The following UBE2QL1 variants were observed in gnomAD, a reference collection of about 807,000 sequenced individuals.
UBE2QL1 encodes the protein ubiquitin-conjugating enzyme E2Q-like protein 1.
Under a neutral mutation model 12.6 loss-of-function variants are expected in UBE2QL1, and 5 were observed. The ratio of observed to expected loss-of-function variants is 0.40; its 90% confidence interval spans 0.21 to 0.83. The LOEUF (loss-of-function observed/expected upper bound fraction) is 0.83. UBE2QL1 is among the 40% of genes least tolerant of loss of function. UBE2QL1 has a pLI of 0.37. For missense variants in UBE2QL1, 99 were observed against 222.6 expected (o/e 0.44, Z 3.53); for synonymous variants, 96 against 94.5 (o/e 1.02, Z -0.10).
At chr5:6,463,587 G>C (rs1459197571) in intron 1 of UBE2QL1, among the ~76,000 whole-genome samples, 1 of 144,512 alleles carries the variant, frequency 6.9e-6, no homozygotes, top group Admixed American at 7.0e-5. Flanking sequence ...GGTAGGCTTT[G>C]TATTTGTGCT....
chr5:6,480,168 C>T (rs560498229), intron 1 of UBE2QL1, among the ~76,000 whole-genome samples: 2 of 152,346 alleles, frequency 1.3e-5, no homozygotes, highest in South Asian at 2.1e-4. Flanking sequence ...GAGAGCTGGC[C>T]TGGCCTTGGG....
In UBE2QL1 at chr5:6,449,074, A is replaced by C. The variant is rs1560924987; in HGVS notation, c.181A>C (p.Asn61His). The C allele has an allele frequency of 6.5e-7, 1 of 1,548,386 alleles. No homozygotes were observed. Reference protein sequence around the residue: ...FILLNLTFPDNFPFSPPFMRV... With the variant: ...FILLNLTFPDHFPFSPPFMRV... The stretch of plus-strand genomic sequence containing the variant: ...CCTGCTCAACCTCACCTTCCCCGAC[A>C]ACTTCCCCTTCTCGCCGCCCTTCAT... Residue 61 changes from asparagine (N) to histidine (H), a missense_variant, in exon 1 of 2, where the codon AAC (asparagine) becomes CAC (histidine). Asn to His is a moderately conservative substitution (Grantham distance 68). Coordinates refer to ENST00000399816, the MANE Select transcript of UBE2QL1 (RefSeq NM_001145161.3).
chr5:6,488,733 A>G (rs1392219086), intron 1 of UBE2QL1, among the ~76,000 whole-genome samples: 2 of 151,790 alleles, frequency 1.3e-5, no homozygotes, highest in Non-Finnish European at 1.5e-5. Flanking sequence ...CCAGGAGATC[A>G]AGGTTGCACT....
Position 6,481,104 on chromosome 5 carries a change from T to C in UBE2QL1, c.355-10114T>C, listed in dbSNP as rs1045841598. Among the ~76,000 whole-genome samples, 2 of 152,208 alleles carry C rather than the reference T, an allele frequency of 1.3e-5. No homozygotes were observed. Among genetic ancestry groups the C allele is most frequent in the African/African-American group, 4.8e-5 (2 of 41,450 alleles). On this transcript the variant is annotated intron_variant, in intron 1 of 1. Transcript: ENST00000399816. This position sits in a 1 kb window ranked among gnomAD's most constrained non-coding sequence, Gnocchi z 4.5. ...CATCACACATCTCAGATGACTGTTT[T>C]TCAAGAGTTGGCCCGGAGCGTGCTT...
chr5:6,461,536 A>ACCCCCCCCCCCCC (rs1489545549), intron 1 of UBE2QL1, among the ~76,000 whole-genome samples: 9 of 36,220 alleles, frequency 2.5e-4, no homozygotes, highest in Non-Finnish European at 2.9e-4. Context: ...GTTTTTCAGC[A>ACCCCCCCCCCCCC]CCCACCACCC....
chr5:6,487,138 A>G (rs870323), intron 1 of UBE2QL1, among the ~76,000 whole-genome samples: 44,204 of 152,200 alleles, frequency 0.29, 11,303 homozygotes, highest in African/African-American at 0.69. Flanking sequence ...ACAATTAAGG[A>G]AGATGCAGAC....
rs765506914 is a variant in UBE2QL1 at position 6,449,142 on chromosome 5, C to T, written c.249C>T (p.Asp83=). ...SPRLENGYVL[D]GGAICMELLT... ...GCCTGGAGAACGGCTACGTGCTGGA[C>T]GGCGGCGCCATCTGCATGGAGCTGC... Residue 83 remains aspartate, a synonymous_variant, in exon 1 of 2, where the codon GAC becomes GAT. Coordinates refer to ENST00000399816, the MANE Select transcript of UBE2QL1 (RefSeq NM_001145161.3). 5.2e-6 allele frequency: 8 copies of T among 1,544,876 alleles called. No homozygotes were observed. The Middle Eastern group carries it at 1.3e-3, about 259-fold the overall frequency.
At position 6,472,531 on chromosome 5, in the gene UBE2QL1, T is replaced by A. The variant is rs188636037; in HGVS notation, c.355-18687T>A. ...GCTTTCCTTGTGCTTTCCTGATGAC[T>A]GGGATCTGGACATCACGCTGCATAC... On this transcript the variant is annotated intron_variant, in intron 1 of 1. Transcript: ENST00000399816. Among the ~76,000 whole-genome samples the A allele has an allele frequency of 2.6e-5, 4 of 152,308 alleles. No individual in the cohort carries two copies. The East Asian group carries it at 7.7e-4, about 29-fold the overall frequency.
chr5:6,471,302 T>C (rs1739908609), intron 1 of UBE2QL1, among the ~76,000 whole-genome samples: 1 of 152,178 alleles, frequency 6.6e-6, no homozygotes, highest in Admixed American at 6.5e-5. Context: ...CTAGTTTCTG[T>C]AGTTGAGGAA....
intron 1 of UBE2QL1, among the ~76,000 whole-genome samples, chr5:6,469,911 T>C (rs1182865593): frequency 6.6e-6 from 1 of 152,176 alleles, no homozygotes; most frequent in Non-Finnish European, 1.5e-5. Context: ...CAAATGTTAC[T>C]CCGTTGGAAT....
intron 1 of UBE2QL1, among the ~76,000 whole-genome samples, chr5:6,480,640 A>T (rs1363215985): frequency 6.6e-6 from 1 of 152,218 alleles, no homozygotes; most frequent in Non-Finnish European, 1.5e-5. Flanking sequence ...GTTTCAAAAC[A>T]GTTCAGTAAT....
rs933485665 is a variant in UBE2QL1 at position 6,479,290 on chromosome 5, A to C, written c.355-11928A>C. On this transcript the variant is annotated intron_variant, in intron 1 of 1. Coordinates refer to ENST00000399816, the MANE Select transcript of UBE2QL1 (RefSeq NM_001145161.3). This position sits in a 1 kb window ranked among gnomAD's most constrained non-coding sequence, Gnocchi z 4.2. ...TTCCAAGAAGAAGGAAAAACATGGA[A>C]CGCTGAGGAAGACCAACTGTGCAGG... 3.9e-5 allele frequency among the ~76,000 whole-genome samples: 6 copies of C among 152,078 alleles called. No homozygotes were observed. The highest frequency in any genetic ancestry group is 1.4e-4 in the African/African-American group (6 of 41,416).
chr5:6,491,192 C>T (rs1356742396), intron 1 of UBE2QL1, 26 bp from the exon 2 acceptor site: 1 of 1,519,110 alleles, frequency 6.6e-7, no homozygotes, highest in Non-Finnish European at 8.8e-7. Flanking sequence ...ACGTTCTAAC[C>T]TGGTTTTTCT....
At chr5:6,449,307 G>C in intron 1 of UBE2QL1, 60 bp downstream of exon 1, 1 of 1,296,306 alleles carries the variant, frequency 7.7e-7, no homozygotes, top group Non-Finnish European at 9.7e-7. Context: ...CAGCGCCGCC[G>C]GGCGCCCGGG....
In UBE2QL1 at chr5:6,495,520, A is replaced by C. The variant is rs771506890; in HGVS notation, c.*4171A>C. On this transcript the variant is annotated 3_prime_UTR_variant, in exon 2 of 2. Transcript: ENST00000399816. ...GCCACTGCCTTACTGTGGCTTTCTG[A>C]TCCTTTATGTTGCTTCATGAGACTA... 3.4e-4 allele frequency among the ~76,000 whole-genome samples: 52 copies of C among 152,112 alleles called. No homozygotes were observed. The highest frequency in any genetic ancestry group is 6.3e-4 in the Non-Finnish European group (43 of 67,986).
Position 6,494,624 on chromosome 5 carries a change from G to A in UBE2QL1, c.*3275G>A, listed in dbSNP as rs1170079291. 3.3e-5 allele frequency: 5 copies of A among 152,124 alleles called. No individual in the cohort carries two copies. The highest frequency in any genetic ancestry group is 7.3e-5 in the Non-Finnish European group (5 of 68,030). The allele number at this position is 152,124 out of a possible 1,614,324, so 9.4% of individuals were successfully genotyped here. A position where few individuals can be genotyped will look rare whatever the true frequency, so the allele number is the denominator to read the frequency against. ...GCTTTGGAGACTAAAGATTGTCAAC[G>A]AAATGTAAGTGTCATTTTCGTAGTA... is the stretch of plus-strand genomic sequence containing the variant. On this transcript the variant is annotated 3_prime_UTR_variant, in exon 2 of 2. Transcript: ENST00000399816.
chr5:6,480,752 A>C (rs1246008761), intron 1 of UBE2QL1, among the ~76,000 whole-genome samples: 4 of 152,220 alleles, frequency 2.6e-5, no homozygotes, highest in Non-Finnish European at 5.9e-5. Flanking sequence ...GATTTTGTAT[A>C]GTATTAAGTA....
At chr5:6,455,809 C>G (rs116347644) in intron 1 of UBE2QL1, among the ~76,000 whole-genome samples, 1,778 of 151,800 alleles carry the variant, frequency 0.012, 33 homozygotes, top group African/African-American at 0.041. Flanking sequence ...GATAATTAAT[C>G]CCCCCAACCT....
At position 6,479,132 on chromosome 5, in the gene UBE2QL1, C is replaced by T. The variant is rs1373774456; in HGVS notation, c.355-12086C>T. On this transcript the variant is annotated intron_variant, in intron 1 of 1. Coordinates refer to ENST00000399816, the MANE Select transcript of UBE2QL1 (RefSeq NM_001145161.3). The surrounding 1 kb of genome is among the most constrained non-coding windows in gnomAD (Gnocchi z 4.2). ...CGTGGGCATCTAGGGACACACAGCACGGGAGGCCACAGAGCTGAGTGAGCA... is the reference window on the plus strand; with the variant it reads ...CGTGGGCATCTAGGGACACACAGCATGGGAGGCCACAGAGCTGAGTGAGCA... Among the ~76,000 whole-genome samples, 1 of 151,912 alleles carries T rather than the reference C, an allele frequency of 6.6e-6. No individual in the cohort carries two copies. Among genetic ancestry groups the T allele is most frequent in the Non-Finnish European group, 1.5e-5 (1 of 68,000 alleles).
Sources: gnomAD v4.1 joint callset for allele counts (sites outside exome capture counted in the v4.1 genomes callset) on GRCh38, gnomAD v4.1.1 for gene constraint, Gnocchi (gnomAD v3.1) non-coding constraint, MANE v1.5 for transcripts, NCBI Gene and HGNC (gene_info 2026-07-23, HGNC 2026-07-21) for gene names.